The following GSPT1 variants were observed in gnomAD, a reference collection of about 807,000 sequenced individuals.
GSPT1 encodes the protein G1 to S phase transition 1, also known as eukaryotic peptide chain release factor GTP-binding subunit ERF3A.
Under a neutral mutation model 72.5 loss-of-function variants are expected in GSPT1, and 20 were observed. That is an observed-to-expected ratio of 0.28 (90% CI 0.19 to 0.40). The LOEUF is 0.40. Ranked by LOEUF, GSPT1 falls within the 10% of genes least tolerant of loss-of-function variation. The pLI is 1.00. For missense variants in GSPT1, 580 were observed against 811.9 expected (o/e 0.71, Z 3.47); for synonymous variants, 334 against 293.5 (o/e 1.14, Z -1.41).
At position 11,871,846 on chromosome 16, in the gene GSPT1, A is replaced by G. The variant is rs898911334; in HGVS notation, c.*1273T>C. ...CAAAGTCATGATAATTATAGCAGAG[A>G]GTCATTCAATCTAAAACCCACACAA... On this transcript the variant is annotated 3_prime_UTR_variant, in exon 15 of 15. Transcript: ENST00000434724. The G allele has an allele frequency of 1.2e-4, 18 of 152,178 alleles. No individual in the cohort carries two copies. Among genetic ancestry groups the G allele is most frequent in the Admixed American group, 1.3e-4 (2 of 15,270 alleles). 9.4% of individuals were successfully genotyped at this position (152,178 alleles called of 1,614,324 possible). A position where few individuals can be genotyped will look rare whatever the true frequency, so the allele number is the denominator to read the frequency against.
intron 1 of GSPT1, among the ~76,000 whole-genome samples, chr16:11,899,166 G>A (rs745526383): frequency 1.3e-5 from 2 of 152,156 alleles, no homozygotes; most frequent in African/African-American, 2.4e-5. Flanking sequence ...TGCACAGCAA[G>A]TATGAAAAAA....
At chr16:11,915,201 C>T (rs2054616141) in intron 1 of GSPT1, 168 bp downstream of exon 1, 1 of 1,083,458 alleles carries the variant, frequency 9.2e-7, no homozygotes, top group Non-Finnish European at 1.1e-6. Context: ...CGGGCCGCCC[C>T]GCGAAGGCCG....
Position 11,872,205 on chromosome 16 carries a change from T to C in GSPT1, c.*914A>G, listed in dbSNP as rs1291159089. On this transcript the variant is annotated 3_prime_UTR_variant, in exon 15 of 15. Transcript: ENST00000434724. ...TTTATAAATACTACCAGAGGAATTT[T>C]TGCCAGGTCTCAAACATGCTTTATT... 6.6e-6 allele frequency: 1 copy of C among 152,190 alleles called. No homozygotes were observed. Among genetic ancestry groups the C allele is most frequent in the Non-Finnish European group, 1.5e-5 (1 of 68,024 alleles). 9.4% of individuals were successfully genotyped at this position (152,190 alleles called of 1,614,324 possible). A position where few individuals can be genotyped will look rare whatever the true frequency, so the allele number is the denominator to read the frequency against.
At chr16:11,880,338 A>T (rs529798288) in intron 11 of GSPT1, 3 of 152,194 alleles carry the variant, frequency 2.0e-5, no homozygotes, top group Admixed American at 2.0e-4. Flanking sequence ...ATATACTCAG[A>T]AAGAGTATTG....
chr16:11,886,708 G>C, intron 8 of GSPT1, 69 bp downstream of exon 8: 2 of 1,558,456 alleles, frequency 1.3e-6, no homozygotes. Flanking sequence ...AAACCCTAGA[G>C]AAAAAGTCGT....
chr16:11,870,145 C>A lies in GSPT1; in HGVS notation c.*2974G>T, dbSNP rs1347559642. On this transcript the variant is annotated 3_prime_UTR_variant, in exon 15 of 15. Transcript: ENST00000434724. ...AAAAAAAAATACATGGGCTTAATTA[C>A]TCAGTAACACTTTACTATTTGTCAC... 1.3e-5 allele frequency: 2 copies of A among 152,080 alleles called. No homozygotes were observed. Among genetic ancestry groups the A allele is most frequent in the Middle Eastern group, 3.4e-3 (1 of 294 alleles). The allele number at this position is 152,080 out of a possible 1,614,324, so 9.4% of individuals were successfully genotyped here.
At chr16:11,892,829 CAAAAAAAAAAA>C (rs57546698) in intron 5 of GSPT1, among the ~76,000 whole-genome samples, 3 of 31,222 alleles carry the variant, frequency 9.6e-5, no homozygotes, top group East Asian at 1.5e-3. Context: ...GATTCTGTCT[CAAAAAAAAAAA>C]AAAAAAAAAA....
intron 1 of GSPT1, among the ~76,000 whole-genome samples, chr16:11,906,596 T>C (rs1044135602): frequency 2.0e-5 from 3 of 152,186 alleles, no homozygotes; most frequent in African/African-American, 7.2e-5. Flanking sequence ...ATTGTGCCAA[T>C]GAACTCCAGC....
At chr16:11,903,443 A>G (rs557017526) in intron 1 of GSPT1, among the ~76,000 whole-genome samples, 8 of 152,332 alleles carry the variant, frequency 5.3e-5, no homozygotes, top group Admixed American at 5.2e-4. Context: ...TGAACCTGCG[A>G]GGCGGAGGTT....
intron 7 of GSPT1, 41 bp from the exon 8 acceptor site, chr16:11,886,972 G>GGGTATGCCTGAAGGCGAA: frequency 6.4e-7 from 1 of 1,552,976 alleles, no homozygotes; most frequent in Non-Finnish European, 8.9e-7. Flanking sequence ...TTCGCCTTCA[G>GGGTATGCCTGAAGGCGAA]GCATACCCTT....
chr16:11,899,640 C>G (rs1292940905), intron 1 of GSPT1, among the ~76,000 whole-genome samples: 1 of 152,048 alleles, frequency 6.6e-6, no homozygotes, highest in African/African-American at 2.4e-5. Context: ...AACTGTACTT[C>G]AACACAATAC....
intron 4 of GSPT1, among the ~76,000 whole-genome samples, chr16:11,896,263 T>C (rs1383691785): frequency 1.3e-5 from 2 of 152,228 alleles, no homozygotes; most frequent in East Asian, 3.8e-4. Context: ...TCTAAGATAC[T>C]GATATATAAT....
intron 1 of GSPT1, among the ~76,000 whole-genome samples, chr16:11,906,539 C>A (rs1002964677): frequency 6.6e-6 from 1 of 152,084 alleles, no homozygotes; most frequent in Non-Finnish European, 1.5e-5. Context: ...GAGGCTGAGG[C>A]AGAAGAATCA....
rs985465867 is a variant in GSPT1, at chr16:11,869,742, G to A, written c.*3377C>T. On this transcript the variant is annotated 3_prime_UTR_variant, in exon 15 of 15. Coordinates refer to ENST00000434724, the MANE Select transcript of GSPT1 (RefSeq NM_002094.4). ...AGAAAAGGTGCTAGAGTGCTGTTATGTGTAATAGTCATCAAAGATCACGGA... is the reference window on the plus strand; with the variant it reads ...AGAAAAGGTGCTAGAGTGCTGTTATATGTAATAGTCATCAAAGATCACGGA... 2 of 152,216 alleles carry A rather than the reference G, an allele frequency of 1.3e-5. No homozygotes were observed. Among genetic ancestry groups the A allele is most frequent in the Non-Finnish European group, 2.9e-5 (2 of 68,050 alleles). 9.4% of individuals were successfully genotyped at this position (152,216 alleles called of 1,614,324 possible).
At chr16:11,894,381 A>C (rs2054308686) in intron 5 of GSPT1, among the ~76,000 whole-genome samples, 1 of 151,836 alleles carries the variant, frequency 6.6e-6, no homozygotes, top group Non-Finnish European at 1.5e-5. Context: ...CTATAATACG[A>C]TCAAAAAATT....
chr16:11,885,212 G>A lies in GSPT1; in HGVS notation c.1316C>T (p.Pro439Leu). 1 of 1,592,612 alleles carries A rather than the reference G, an allele frequency of 6.3e-7. No homozygotes were observed. Among genetic ancestry groups the A allele is most frequent in the Non-Finnish European group, 8.6e-7 (1 of 1,160,660 alleles). ...CTTATCCACAATTGGCAGCCTGATT[G>A]GTCCATCAACTGATCTATTGAAGTT... The part of the protein sequence containing the change: ...LPNFNRSVDG[P>L]IRLPIVDKYK... The change falls in exon 10 of 15, where the codon CCA becomes CTA. Residue 439 changes from proline to leucine, a missense_variant. This residue lies in a region of GSPT1 where 45 missense variants were observed against 43.0 expected (regional missense o/e 1.05). Coordinates refer to ENST00000434724, the MANE Select transcript of GSPT1 (RefSeq NM_002094.4).
chr16:11,898,288 C>T (rs898068345), intron 1 of GSPT1, among the ~76,000 whole-genome samples: 2 of 152,098 alleles, frequency 1.3e-5, no homozygotes, highest in Non-Finnish European at 2.9e-5. Flanking sequence ...CATGCTTATT[C>T]TTTTGATTTG....
intron 4 of GSPT1, among the ~76,000 whole-genome samples, chr16:11,896,045 C>G (rs2054334680): frequency 6.6e-6 from 1 of 152,158 alleles, no homozygotes. Context: ...TTTTTTCTCA[C>G]AATTCTGGGG....
chr16:11,915,669 T>C lies in GSPT1; in HGVS notation c.52A>G (p.Ser18Gly), dbSNP rs960316301. The part of the protein sequence containing the change: ...GGGGGGGGGS[S>G]SGSSSSDSAP... ...GAGTCGCTGCTGCTGCTGCCGCTGCTGCTCCCGCCGCCGCCGCCGCCGCCG... is the reference window on the plus strand; with the variant it reads ...GAGTCGCTGCTGCTGCTGCCGCTGCCGCTCCCGCCGCCGCCGCCGCCGCCG... Residue 18 changes from serine to glycine, a missense_variant, in exon 1 of 15, where the codon AGC becomes GGC. By Grantham distance (56) the Ser-to-Gly change is moderately conservative (BLOSUM62 0). This residue lies in a region of GSPT1 where 327 missense variants were observed against 298.8 expected (regional missense o/e 1.09). Transcript: ENST00000434724. 4.5e-5 allele frequency: 67 copies of C among 1,474,336 alleles called. No individual in the cohort carries two copies. Among genetic ancestry groups the C allele is most frequent in the Admixed American group, 1.6e-4 (7 of 43,332 alleles). The allele number at this position is 1,474,336 out of a possible 1,614,324, so 91.3% of individuals were successfully genotyped here. A position where few individuals can be genotyped will look rare whatever the true frequency, so the allele number is the denominator to read the frequency against.
Sources: allele counts gnomAD v4.1 joint callset (sites outside exome capture counted in the v4.1 genomes callset), GRCh38; gene constraint gnomAD v4.1.1; regional missense constraint gnomAD v4.1.1; transcripts MANE v1.5; gene names NCBI Gene and HGNC (gene_info 2026-07-23, HGNC 2026-07-21).